Variants in SWAP70 observed in about 807,000 individuals in gnomAD.
The protein encoded by SWAP70 is switch-associated protein 70.
Under a neutral mutation model 80.2 loss-of-function variants are expected in SWAP70, and 34 were observed. The ratio of observed to expected loss-of-function variants is 0.42; its 90% confidence interval spans 0.32 to 0.56. SWAP70 has a LOEUF of 0.56. SWAP70 is among the 20% of genes least tolerant of loss of function. The pLI, the probability that SWAP70 is intolerant of heterozygous loss-of-function variation, is 0.09. For synonymous variants in SWAP70, 239 were observed against 238.5 expected, an observed-to-expected ratio of 1.00 and a Z score of -0.02; for missense variants, 578 against 690.7, an observed-to-expected ratio of 0.84 and a Z score of 1.83.
At chr11:9,721,614 G>A (rs972132900) in intron 3 of SWAP70, among the ~76,000 whole-genome samples, 1 of 151,754 alleles carries the variant, frequency 6.6e-6, no homozygotes, top group Non-Finnish European at 1.5e-5. Context: ...TGGGACTACA[G>A]GCATGTACCA....
chr11:9,721,062 C>T (rs1305550529), intron 3 of SWAP70, among the ~76,000 whole-genome samples: 12 of 152,198 alleles, frequency 7.9e-5, no homozygotes, highest in East Asian at 1.9e-4. Context: ...GTGATCTGCC[C>T]GCCTTGGCCT....
At position 9,664,086 on chromosome 11, in the gene SWAP70, C is replaced by A; in HGVS notation, c.-94C>A. 8.1e-7 allele frequency: 1 copy of A among 1,238,160 alleles called. No individual in the cohort carries two copies. The highest frequency in any genetic ancestry group is 1.6e-5 in the African/African-American group (1 of 63,204). The allele number at this position is 1,238,160 out of a possible 1,614,324, so 76.7% of individuals were successfully genotyped here. ...CGGGGCCTGGCGGGTCAGGTGACTG[C>A]GCGGCGGGCTGTGGCTGCGGAGGTT... On this transcript the variant is annotated 5_prime_UTR_variant, in exon 1 of 12. Coordinates refer to ENST00000318950, the MANE Select transcript of SWAP70 (RefSeq NM_015055.4).
intron 5 of SWAP70, among the ~76,000 whole-genome samples, chr11:9,728,876 C>A: frequency 6.6e-6 from 1 of 152,056 alleles, no homozygotes; most frequent in South Asian, 2.1e-4. Context: ...ACAAGGTTAC[C>A]AAAGGCCAGT....
chr11:9,681,363 T>G (rs1180634057), intron 1 of SWAP70: 1 of 152,260 alleles, frequency 6.6e-6, no homozygotes, highest in Non-Finnish European at 1.5e-5. Flanking sequence ...ACATTTTAGA[T>G]GTCATTGAAT....
Position 9,722,318 on chromosome 11 carries a change from G to A in SWAP70, c.415-2340G>A, listed in dbSNP as rs190513408. On this transcript the variant is annotated intron_variant, in intron 3 of 11. Transcript: ENST00000318950. ...TGAGCTTTGGGGATTAAAGATGAGTGGGACATGGTTCCTCCTACAAGGAAT... is the reference window on the plus strand; with the variant it reads ...TGAGCTTTGGGGATTAAAGATGAGTAGGACATGGTTCCTCCTACAAGGAAT... 2.5e-3 allele frequency among the ~76,000 whole-genome samples: 386 copies of A among 152,292 alleles called. 1 individual carries two copies. Among genetic ancestry groups the A allele is most frequent in the African/African-American group, 8.9e-3 (370 of 41,556 alleles).
At chr11:9,671,484 TTATAAATATATATATAAATATA>T (rs1402777354) in intron 1 of SWAP70, among the ~76,000 whole-genome samples, 10 of 87,768 alleles carry the variant, frequency 1.1e-4, no homozygotes, top group African/African-American at 2.5e-4. Flanking sequence ...AAAAGTATAT[TTATAAATATATATATAAATATA>T]TATAAATATA....
chr11:9,737,069 T>C (rs1052984392), intron 7 of SWAP70, among the ~76,000 whole-genome samples: 1 of 152,214 alleles, frequency 6.6e-6, no homozygotes, highest in Non-Finnish European at 1.5e-5. Context: ...AACAACACTT[T>C]TAGCTGGTCC....
At chr11:9,664,359 C>T (rs1850282653) in intron 1 of SWAP70, 81 bp downstream of exon 1, 4 of 1,447,324 alleles carry the variant, frequency 2.8e-6, no homozygotes, top group Non-Finnish European at 3.7e-6. Flanking sequence ...CGGGACCTGG[C>T]GGGCCGTGAC....
At chr11:9,664,352 G>T in intron 1 of SWAP70, 74 bp downstream of exon 1, 1 of 1,475,288 alleles carries the variant, frequency 6.8e-7, no homozygotes, top group South Asian at 1.3e-5. Flanking sequence ...GTGGAAGCGG[G>T]ACCTGGCGGG....
chr11:9,737,448 A>G lies in SWAP70; in HGVS notation c.1081-765A>G, dbSNP rs1055748355. The stretch of plus-strand genomic sequence containing the variant: ...GACTTTTAAAGGTTTTGTTTTTTTA[A>G]CAATAATTTTCACCAGTTATGGTTG... On this transcript the variant is annotated intron_variant, in intron 7 of 11. Coordinates refer to ENST00000318950, the MANE Select transcript of SWAP70 (RefSeq NM_015055.4). 5.3e-5 allele frequency among the ~76,000 whole-genome samples: 8 copies of G among 152,300 alleles called. No homozygotes were observed. The South Asian group carries it at 1.7e-3, about 32-fold the overall frequency.
At chr11:9,709,893 G>A (rs1215937183) in intron 2 of SWAP70, among the ~76,000 whole-genome samples, 2 of 152,166 alleles carry the variant, frequency 1.3e-5, no homozygotes, top group Non-Finnish European at 2.9e-5. Flanking sequence ...ATATTTTAAT[G>A]TAAAATGTAT....
In SWAP70 at chr11:9,695,219, G is replaced by A. The variant is rs149571194; in HGVS notation, c.240+933G>A. 8.4e-4 allele frequency among the ~76,000 whole-genome samples: 128 copies of A among 152,040 alleles called. 1 individual carries two copies. In the East Asian group the frequency reaches 0.021, roughly 25 times the overall value. On this transcript the variant is annotated intron_variant, in intron 2 of 11. Transcript: ENST00000318950. The stretch of plus-strand genomic sequence containing the variant: ...TGAGACAGGAGAATTGCTTGAACCC[G>A]GGAGGTAGAGCTTGCAGTGAGTCGA...
chr11:9,697,786 T>G (rs1850777611), intron 2 of SWAP70, among the ~76,000 whole-genome samples: 2 of 152,166 alleles, frequency 1.3e-5, no homozygotes, highest in Non-Finnish European at 2.9e-5. Flanking sequence ...TTATACATGT[T>G]TTTTGGTTTT....
At chr11:9,672,623 C>T (rs552194044) in intron 1 of SWAP70, among the ~76,000 whole-genome samples, 4 of 150,566 alleles carry the variant, frequency 2.7e-5, no homozygotes, top group African/African-American at 9.8e-5. Flanking sequence ...GTCCATCCAC[C>T]TACAAGTGTT....
intron 7 of SWAP70, among the ~76,000 whole-genome samples, chr11:9,735,105 A>T (rs1200618579): frequency 1.3e-5 from 2 of 152,214 alleles, no homozygotes; most frequent in African/African-American, 4.8e-5. Flanking sequence ...AAATATAATC[A>T]TTTGGGTAGG....
At chr11:9,728,291 C>T in intron 5 of SWAP70, 92 bp downstream of exon 5, 1 of 1,232,428 alleles carries the variant, frequency 8.1e-7, no homozygotes, top group Non-Finnish European at 1.1e-6. Context: ...GACTCTAGAA[C>T]CTTAAAATAA....
At chr11:9,698,346 CCCCA>C (rs1850787928) in intron 2 of SWAP70, among the ~76,000 whole-genome samples, 1 of 151,468 alleles carries the variant, frequency 6.6e-6, no homozygotes. Flanking sequence ...GGTGATCTGC[CCCCA>C]TTGGCCTCCC....
chr11:9,689,778 C>T lies in SWAP70; in HGVS notation c.100-4368C>T, dbSNP rs190736604. ...GAGATGAGGGCTCCCAGAGAGAGAACGGTCCCAGACTTCTAGGTATGTGGA... is the reference window on the plus strand; with the variant it reads ...GAGATGAGGGCTCCCAGAGAGAGAATGGTCCCAGACTTCTAGGTATGTGGA... On this transcript the variant is annotated intron_variant, in intron 1 of 11. Transcript: ENST00000318950. Among the ~76,000 whole-genome samples the T allele has an allele frequency of 2.3e-3, 357 of 152,278 alleles. 2 individuals carry two copies. Among genetic ancestry groups the T allele is most frequent in the African/African-American group, 8.1e-3 (335 of 41,564 alleles).
chr11:9,724,962 T>C (rs1851189379), intron 4 of SWAP70, 77 bp downstream of exon 4: 16 of 1,042,728 alleles, frequency 1.5e-5, no homozygotes, highest in Non-Finnish European at 2.3e-5. Flanking sequence ...GTCACAAAGA[T>C]GAGTATAAGT....
Sources: gnomAD v4.1 joint callset for allele counts (sites outside exome capture counted in the v4.1 genomes callset) on GRCh38, gnomAD v4.1.1 for gene constraint, MANE v1.5 for transcripts, NCBI Gene and HGNC (gene_info 2026-07-23, HGNC 2026-07-21) for gene names.